Variants in JARID2 observed in about 807,000 individuals in gnomAD.
JARID2 encodes the protein protein Jumonji.
A neutral mutation model predicts 125.6 loss-of-function variants in JARID2; 21 were observed. That is an observed-to-expected ratio of 0.17 (90% CI 0.12 to 0.24). The LOEUF is 0.24. JARID2 is among the 10% of genes least tolerant of loss of function. The pLI, the probability that JARID2 is intolerant of heterozygous loss-of-function variation, is 1.00. For missense variants in JARID2, 1,303 were observed against 1,639.6 expected (o/e 0.79, Z 3.55); for synonymous variants, 736 against 661.6 (o/e 1.11, Z -1.73).
chr6:15,294,761 C>T (rs1032506828), intron 1 of JARID2, among the ~76,000 whole-genome samples: 5 of 152,078 alleles, frequency 3.3e-5, no homozygotes, highest in African/African-American at 9.7e-5. Context: ...GCTGGGGTGG[C>T]GCGTATCCCT....
chr6:15,509,635 C>T (rs570437556), intron 12 of JARID2, among the ~76,000 whole-genome samples: 3 of 152,232 alleles, frequency 2.0e-5, no homozygotes, highest in Admixed American at 6.5e-5. Context: ...AGGACTATTC[C>T]GAGAGGTGCC....
At chr6:15,284,037 T>G (rs923385093) in intron 1 of JARID2, among the ~76,000 whole-genome samples, 1 of 152,190 alleles carries the variant, frequency 6.6e-6, no homozygotes, top group Non-Finnish European at 1.5e-5. Context: ...TGTTTTTTCT[T>G]TCATAGAAGT....
intron 16 of JARID2, among the ~76,000 whole-genome samples, chr6:15,516,193 C>T (rs1027549791): frequency 1.4e-4 from 22 of 152,200 alleles, no homozygotes; most frequent in African/African-American, 4.3e-4. Context: ...ACTCCTACAA[C>T]GTGTTCTCTG....
intron 1 of JARID2, among the ~76,000 whole-genome samples, chr6:15,306,696 G>A (rs1761840141): frequency 6.6e-6 from 1 of 151,718 alleles, no homozygotes; most frequent in Non-Finnish European, 1.5e-5. Flanking sequence ...TCTGGGGAAA[G>A]GGGAAAAATA....
intron 1 of JARID2, among the ~76,000 whole-genome samples, chr6:15,294,155 CT>C (rs1287198369): frequency 5.3e-5 from 8 of 152,170 alleles, no homozygotes; most frequent in Admixed American, 5.2e-4. Context: ...AGGCCAACCA[CT>C]TTAGGTTAGG....
At chr6:15,406,268 T>G (rs980514862) in intron 2 of JARID2, among the ~76,000 whole-genome samples, 2 of 152,160 alleles carry the variant, frequency 1.3e-5, no homozygotes, top group African/African-American at 4.8e-5. Context: ...ACCCCGTCTC[T>G]ACTAAAATTA....
At chr6:15,290,240 T>A (rs78013777) in intron 1 of JARID2, among the ~76,000 whole-genome samples, 12,042 of 152,274 alleles carry the variant, frequency 0.079, 547 homozygotes, top group East Asian at 0.19. Flanking sequence ...TCATTTCATT[T>A]CATTGCCAAA....
intron 1 of JARID2, among the ~76,000 whole-genome samples, chr6:15,255,104 G>C (rs191517462): frequency 6.8e-6 from 1 of 147,912 alleles, no homozygotes; most frequent in Admixed American, 6.7e-5. Flanking sequence ...CCCAGTAAGA[G>C]TCTTCCGTCA....
In JARID2 at chr6:15,487,441, C is replaced by T. The variant is rs769407485; in HGVS notation, c.805C>T (p.His269Tyr). 2 of 1,614,126 alleles carry T rather than the reference C, an allele frequency of 1.2e-6. No individual in the cohort carries two copies. Among genetic ancestry groups the T allele is most frequent in the African/African-American group, 2.7e-5 (2 of 74,944 alleles). ...CCGCCGGGAGCAGGCTTCAGCTAACCACCCCGCAGCGGCCCCCTCCACGGG... is the reference window on the plus strand; with the variant it reads ...CCGCCGGGAGCAGGCTTCAGCTAACTACCCCGCAGCGGCCCCCTCCACGGG... ...DSRREQASAN[H>Y]PAAAPSTGSS... is the part of the protein sequence containing the mutation. The change falls in exon 6 of 18, where the codon CAC (histidine) becomes TAC (tyrosine). Residue 269 changes from histidine (H) to tyrosine (Y), a missense_variant. His to Tyr is a moderately conservative substitution (Grantham distance 83). Transcript: ENST00000341776.
chr6:15,366,775 TC>T (rs1763994490), intron 1 of JARID2, among the ~76,000 whole-genome samples: 1 of 149,350 alleles, frequency 6.7e-6, no homozygotes, highest in African/African-American at 2.6e-5. Flanking sequence ...TGCAGCACCT[TC>T]CGTAAGTGCA....
At chr6:15,372,352 T>C (rs1042990277) in intron 1 of JARID2, among the ~76,000 whole-genome samples, 11 of 152,006 alleles carry the variant, frequency 7.2e-5, no homozygotes, top group Non-Finnish European at 1.6e-4. Context: ...ACCTGGGATA[T>C]TAATGTTATT....
chr6:15,450,546 AG>A (rs1767874379), intron 3 of JARID2, among the ~76,000 whole-genome samples: 1 of 152,138 alleles, frequency 6.6e-6, no homozygotes, highest in Non-Finnish European at 1.5e-5. Context: ...GATTCTGATG[AG>A]GTCTATTTCA....
At chr6:15,303,716 C>T (rs1460557440) in intron 1 of JARID2, among the ~76,000 whole-genome samples, 1 of 152,180 alleles carries the variant, frequency 6.6e-6, no homozygotes, top group Admixed American at 6.5e-5. Context: ...AGGACAAAAC[C>T]CAAACTCAAT....
intron 3 of JARID2, among the ~76,000 whole-genome samples, chr6:15,423,334 G>T (rs1581542497): frequency 6.6e-6 from 1 of 152,044 alleles, no homozygotes; most frequent in African/African-American, 2.4e-5. Context: ...AGAAAGCTGA[G>T]GTCCAGCTCG....
At chr6:15,450,031 A>G in intron 3 of JARID2, among the ~76,000 whole-genome samples, 1 of 128,504 alleles carries the variant, frequency 7.8e-6, no homozygotes, top group African/African-American at 3.0e-5. Flanking sequence ...AATTTGTTAA[A>G]TAGTATAATT....
chr6:15,436,983 C>G (rs779454932), intron 3 of JARID2, among the ~76,000 whole-genome samples: 1 of 152,092 alleles, frequency 6.6e-6, no homozygotes, highest in Non-Finnish European at 1.5e-5. Flanking sequence ...GGAACCCTCC[C>G]AGCATATCCA....
chr6:15,353,536 T>G (rs1339986319), intron 1 of JARID2, among the ~76,000 whole-genome samples: 1 of 152,230 alleles, frequency 6.6e-6, no homozygotes, highest in African/African-American at 2.4e-5. Context: ...CAAAATTTTA[T>G]TCCAAAATCG....
At chr6:15,290,109 C>T (rs1761151255) in intron 1 of JARID2, among the ~76,000 whole-genome samples, 1 of 152,142 alleles carries the variant, frequency 6.6e-6, no homozygotes. Context: ...AGAATATTTT[C>T]ATTACTCCAA....
chr6:15,491,888 A>G (rs1417703871), intron 6 of JARID2, among the ~76,000 whole-genome samples: 1 of 152,254 alleles, frequency 6.6e-6, no homozygotes, highest in Non-Finnish European at 1.5e-5. Context: ...TATTAAGAAC[A>G]AAGTCAGGTA....
Sources: gnomAD v4.1 joint callset for allele counts (sites outside exome capture counted in the v4.1 genomes callset) on GRCh38, gnomAD v4.1.1 for gene constraint, MANE v1.5 for transcripts, NCBI Gene and HGNC (gene_info 2026-07-23, HGNC 2026-07-21) for gene names.